Variants in NFATC3 observed in about 807,000 individuals in gnomAD.
NFATC3 encodes nuclear factor of activated T-cells, cytoplasmic 3.
A neutral mutation model predicts 98.6 loss-of-function variants in NFATC3; 46 were observed. The ratio of observed to expected loss-of-function variants is 0.47; its 90% confidence interval spans 0.37 to 0.60. The LOEUF is 0.60. NFATC3 is among the 20% of genes least tolerant of loss of function. The pLI is 0.00. For missense variants in NFATC3, 1,256 were observed against 1,295.5 expected, an observed-to-expected ratio of 0.97 and a Z score of 0.47; for synonymous variants, 512 against 472.2, an observed-to-expected ratio of 1.08 and a Z score of -1.09.
chr16:68,166,993 A>T lies in NFATC3; in HGVS notation c.1752A>T (p.Ile584=). 1 of 1,614,132 alleles carries T rather than the reference A, an allele frequency of 6.2e-7. No individual in the cohort carries two copies. The highest frequency in any genetic ancestry group is 8.5e-7 in the Non-Finnish European group (1 of 1,180,002). The change falls in exon 5 of 10, where the codon ATA becomes ATT. Residue 584 remains isoleucine, a synonymous_variant. Coordinates refer to ENST00000346183, the MANE Select transcript of NFATC3 (RefSeq NM_173165.3). ...GTGGAAAAGTCCTTTCTCTGCAGATAGCCTCTATACCCGTTGAGTGCTGTA... is the reference window on the plus strand; with the variant it reads ...GTGGAAAAGTCCTTTCTCTGCAGATTGCCTCTATACCCGTTGAGTGCTGTA... ...QPSGKVLSLQ[I]ASIPVECSQR...
rs1555522047 is a variant in NFATC3 at position 68,192,230 on chromosome 16, A to AAAAAAT, written c.3106+456_3106+457insAAAATA. ...CTCGGGAAAAAAAAAAAAAAAAAAAAATATATATATATATATATATATATG... is the reference window on the plus strand; with the variant it reads ...CTCGGGAAAAAAAAAAAAAAAAAAAAAAAAATATATATATATATATATATATATATG... On this transcript the variant is annotated intron_variant, in intron 9 of 9. Coordinates refer to ENST00000346183, the MANE Select transcript of NFATC3 (RefSeq NM_173165.3). 64 of 82,582 alleles carry AAAAAAT rather than the reference A, an allele frequency of 7.7e-4. 6 individuals carry two copies. Among genetic ancestry groups the AAAAAAT allele is most frequent in the African/African-American group, 3.2e-3 (55 of 17,442 alleles). The allele number at this position is 82,582 out of a possible 1,614,324, so 5.1% of individuals were successfully genotyped here. A position where few individuals can be genotyped will look rare whatever the true frequency, so the allele number is the denominator to read the frequency against.
At chr16:68,171,294 C>A in intron 5 of NFATC3, among the ~76,000 whole-genome samples, 1 of 152,056 alleles carries the variant, frequency 6.6e-6, no homozygotes, top group South Asian at 2.1e-4. Flanking sequence ...TAGGTGTGAG[C>A]CAACGCACCC....
At chr16:68,173,381 A>G (rs921880402) in intron 5 of NFATC3, among the ~76,000 whole-genome samples, 2 of 152,178 alleles carry the variant, frequency 1.3e-5, no homozygotes, top group Non-Finnish European at 2.9e-5. Context: ...AGCCTGACCA[A>G]CATGGTGAAA....
At chr16:68,209,839 A>G in intron 9 of NFATC3, 5 of 350,554 alleles carry the variant, frequency 1.4e-5, no homozygotes, top group South Asian at 8.9e-5. Flanking sequence ...CTGCCCCCCA[A>G]CACACACACA....
At chr16:68,132,341 A>G (rs2037156683) in intron 3 of NFATC3, among the ~76,000 whole-genome samples, 1 of 152,224 alleles carries the variant, frequency 6.6e-6, no homozygotes, top group Non-Finnish European at 1.5e-5. Flanking sequence ...GGTATAGTAT[A>G]TAGCAGAGCT....
intron 1 of NFATC3, among the ~76,000 whole-genome samples, chr16:68,113,916 C>G (rs1441843692): frequency 6.6e-6 from 1 of 152,218 alleles, no homozygotes; most frequent in Non-Finnish European, 1.5e-5. Flanking sequence ...CGCCAAGTTT[C>G]CCCAACACCA....
intron 1 of NFATC3, chr16:68,088,827 C>A: frequency 3.5e-6 from 1 of 283,944 alleles, no homozygotes. Context: ...GGCCACTGCA[C>A]CCTGCCCAAT....
intron 9 of NFATC3, among the ~76,000 whole-genome samples, chr16:68,208,494 T>A (rs549815511): frequency 4.6e-5 from 7 of 152,230 alleles, no homozygotes; most frequent in African/African-American, 1.7e-4. Flanking sequence ...GCTGATCACC[T>A]GAGTTCAGGA....
chr16:68,161,201 C>A (rs946391962), intron 4 of NFATC3, among the ~76,000 whole-genome samples: 1 of 152,124 alleles, frequency 6.6e-6, no homozygotes, highest in African/African-American at 2.4e-5. Flanking sequence ...TATATAGCAT[C>A]AGAAGCATGT....
intron 8 of NFATC3, among the ~76,000 whole-genome samples, chr16:68,188,346 C>T (rs1300661659): frequency 6.6e-6 from 1 of 152,188 alleles, no homozygotes; most frequent in Admixed American, 6.5e-5. Flanking sequence ...CCCTCTCCCC[C>T]CGCCAAGAGC....
chr16:68,222,289 CAAAAAAAAAAAAAAAAAAAAA>C (rs58981935), intron 9 of NFATC3, among the ~76,000 whole-genome samples: 25 of 26,420 alleles, frequency 9.5e-4, no homozygotes, highest in Admixed American at 4.5e-3. Flanking sequence ...ACCCCATTGC[CAAAAAAAAAAAAAAAAAAAAA>C]AAAAAAAAAA....
chr16:68,090,897 A>G (rs2034675848), intron 1 of NFATC3, among the ~76,000 whole-genome samples: 2 of 152,292 alleles, frequency 1.3e-5, no homozygotes, highest in African/African-American at 4.8e-5. Flanking sequence ...GTCGATAATA[A>G]ATATTTTAAC....
In NFATC3 at chr16:68,097,891, C is replaced by G. The variant is rs140321703; in HGVS notation, c.103+12107C>G. 5.1e-3 allele frequency among the ~76,000 whole-genome samples: 771 copies of G among 152,256 alleles called. 8 individuals carry two copies. Among genetic ancestry groups the G allele is most frequent in the African/African-American group, 0.017 (703 of 41,544 alleles). On this transcript the variant is annotated intron_variant, in intron 1 of 9. Coordinates refer to ENST00000346183, the MANE Select transcript of NFATC3 (RefSeq NM_173165.3). ...ATCACTCCCTCCCATACACCTTTCT[C>G]CCTTTTCCAGACAACCGCTGAACTC...
At chr16:68,150,204 A>T (rs548781262) in intron 3 of NFATC3, among the ~76,000 whole-genome samples, 3 of 152,242 alleles carry the variant, frequency 2.0e-5, no homozygotes, top group Non-Finnish European at 4.4e-5. Context: ...CAGCTCTATC[A>T]GACCCAGCCC....
intron 1 of NFATC3, among the ~76,000 whole-genome samples, chr16:68,116,545 A>T (rs1328092268): frequency 6.6e-6 from 1 of 152,192 alleles, no homozygotes; most frequent in Non-Finnish European, 1.5e-5. Context: ...ACTGTTCGTC[A>T]TAGTTAGATT....
intron 1 of NFATC3, among the ~76,000 whole-genome samples, chr16:68,104,654 T>C (rs1298358989): frequency 3.0e-5 from 3 of 100,242 alleles, no homozygotes; most frequent in Non-Finnish European, 6.3e-5. Flanking sequence ...TCACAAATGG[T>C]TTTTTTTTTT....
chr16:68,095,339 C>G (rs2034959474), intron 1 of NFATC3, among the ~76,000 whole-genome samples: 1 of 149,992 alleles, frequency 6.7e-6, no homozygotes, highest in South Asian at 2.1e-4. Context: ...GCACCACATG[C>G]CCAGCTAATT....
chr16:68,186,071 C>A (rs1056941792), intron 8 of NFATC3, among the ~76,000 whole-genome samples: 3 of 152,092 alleles, frequency 2.0e-5, no homozygotes, highest in African/African-American at 7.2e-5. Context: ...AGGTGACATA[C>A]ACTAACAGAA....
chr16:68,145,680 T>C (rs1567519585), intron 3 of NFATC3, among the ~76,000 whole-genome samples: 1 of 152,168 alleles, frequency 6.6e-6, no homozygotes, highest in Non-Finnish European at 1.5e-5. Flanking sequence ...GGACAATAGA[T>C]TGGTGCCAGG....
Sources: gnomAD v4.1 joint callset for allele counts (sites outside exome capture counted in the v4.1 genomes callset) on GRCh38, gnomAD v4.1.1 for gene constraint, MANE v1.5 for transcripts, NCBI Gene and HGNC (gene_info 2026-07-23, HGNC 2026-07-21) for gene names.